HELLS: variants seen among roughly 807,000 people sequenced by gnomAD.
HELLS encodes helicase, lymphoid specific, also known as lymphoid-specific helicase.
A neutral mutation model predicts 120.0 loss-of-function variants in HELLS; 32 were observed. The observed-to-expected ratio is 0.27, with a 90% CI of 0.20 to 0.36. The LOEUF (loss-of-function observed/expected upper bound fraction) is 0.36. Among genes scored for constraint, HELLS ranks in the 10% least tolerant of loss-of-function variants. HELLS has a pLI of 1.00. For missense variants in HELLS, 650 were observed against 993.4 expected, an observed-to-expected ratio of 0.65 and a Z score of 4.65; for synonymous variants, 341 against 323.4, an observed-to-expected ratio of 1.05 and a Z score of -0.58.
chr10:94,561,417 G>C (rs1050140156), intron 4 of HELLS, among the ~76,000 whole-genome samples: 2 of 152,052 alleles, frequency 1.3e-5, no homozygotes, highest in African/African-American at 4.8e-5. Flanking sequence ...TTATACCAGG[G>C]TTTTGATTTT....
Position 94,602,067 on chromosome 10 carries a change from T to C in HELLS, c.*445T>C, listed in dbSNP as rs1332377327. ...GATTTTAGAGTCTATTTCTATGAGATAGTTTACCAAATAAATGTTCCTTAT... is the reference window on the plus strand; with the variant it reads ...GATTTTAGAGTCTATTTCTATGAGACAGTTTACCAAATAAATGTTCCTTAT... On this transcript the variant is annotated 3_prime_UTR_variant, in exon 22 of 22. Transcript: ENST00000348459. 2 of 152,692 alleles carry C rather than the reference T, an allele frequency of 1.3e-5. No individual in the cohort carries two copies. The highest frequency in any genetic ancestry group is 2.9e-5 in the Non-Finnish European group (2 of 68,108). The allele number at this position is 152,692 out of a possible 1,614,324, so 9.5% of individuals were successfully genotyped here. A position where few individuals can be genotyped will look rare whatever the true frequency, so the allele number is the denominator to read the frequency against.
At chr10:94,593,373 T>C in intron 17 of HELLS, 126 bp from the exon 18 acceptor site, 1 of 612,368 alleles carries the variant, frequency 1.6e-6, no homozygotes, top group South Asian at 2.0e-5. Context: ...GTTTTATAGA[T>C]CTGAATGATT....
In HELLS at chr10:94,545,860, T is replaced by A. The variant is rs1842720239; in HGVS notation, c.-62T>A. ...CTGGGCCGGCAGCGGTTGTGAGGAG[T>A]TAGCTCGCGGCATTGCAGGCTCTGA... is the stretch of plus-strand genomic sequence containing the variant. On this transcript the variant is annotated 5_prime_UTR_variant, in exon 1 of 22. Transcript: ENST00000348459. 2 of 1,532,266 alleles carry A rather than the reference T, an allele frequency of 1.3e-6. No homozygotes were observed. Among genetic ancestry groups the A allele is most frequent in the Non-Finnish European group, 1.8e-6 (2 of 1,129,446 alleles). The allele number at this position is 1,532,266 out of a possible 1,614,324, so 94.9% of individuals were successfully genotyped here.
At chr10:94,604,253 T>C (rs113750814), downstream of HELLS, among the ~76,000 whole-genome samples, 56 of 151,408 alleles carry the variant, frequency 3.7e-4, no homozygotes, top group African/African-American at 1.3e-3. Flanking sequence ...GCCTCCCGAG[T>C]AGCTGGGACT....
At chr10:94,554,669 T>TA (rs34392040) in intron 3 of HELLS, among the ~76,000 whole-genome samples, 3 of 149,390 alleles carry the variant, frequency 2.0e-5, no homozygotes, top group South Asian at 2.2e-4. Flanking sequence ...TTTTTTTTTT[T>TA]AATGCTAATG....
chr10:94,612,909 G>C (rs913117951), exon 10 of HELLS: 9 of 152,152 alleles, frequency 5.9e-5, no homozygotes, highest in African/African-American at 2.2e-4. Flanking sequence ...GGGTGACAGT[G>C]AGACTGTCTC....
At chr10:94,594,640 T>C in intron 18 of HELLS, 55 bp from the exon 19 acceptor site, 1 of 1,344,766 alleles carries the variant, frequency 7.4e-7, no homozygotes, top group Non-Finnish European at 1.0e-6. Flanking sequence ...CCACATGAGT[T>C]TATGTTAATT....
At chr10:94,608,952 T>A (rs1301116745) in intron 9 of HELLS, among the ~76,000 whole-genome samples, 1 of 150,680 alleles carries the variant, frequency 6.6e-6, no homozygotes, top group Non-Finnish European at 1.5e-5. Flanking sequence ...TTTCTTTCAG[T>A]ACAATATAAA....
chr10:94,572,625 A>G (rs1169104735), intron 7 of HELLS, among the ~76,000 whole-genome samples: 2 of 152,146 alleles, frequency 1.3e-5, no homozygotes, highest in African/African-American at 2.4e-5. Flanking sequence ...TTTATGAGTA[A>G]GGTTGCTATG....
chr10:94,592,139 T>C, intron 15 of HELLS, 90 bp from the exon 16 acceptor site: 1 of 945,864 alleles, frequency 1.1e-6, no homozygotes, highest in Non-Finnish European at 1.6e-6. Context: ...GTGACTTGGC[T>C]TTGAAAATTG....
chr10:94,562,968 A>T (rs1407015483), intron 6 of HELLS, 92 bp downstream of exon 6: 1 of 734,242 alleles, frequency 1.4e-6, no homozygotes. Flanking sequence ...TGAATATTCA[A>T]TATCACATGA....
At chr10:94,578,052 CAG>C (rs1024025022) in intron 10 of HELLS, among the ~76,000 whole-genome samples, 3 of 119,984 alleles carry the variant, frequency 2.5e-5, no homozygotes, top group African/African-American at 9.6e-5. Flanking sequence ...CCTGGGCCGA[CAG>C]AGCGAGACTC....
rs370633028 is a variant in HELLS at position 94,592,265 on chromosome 10, T to C, written c.1804T>C (p.Leu602=). The C allele has an allele frequency of 6.2e-7, 1 of 1,612,586 alleles. No homozygotes were observed. Among genetic ancestry groups the C allele is most frequent in the African/African-American group, 1.3e-5 (1 of 74,908 alleles). Residue 602 remains leucine (L), a synonymous_variant, in exon 16 of 22, where the codon TTG becomes CTG. Transcript: ENST00000348459. The part of the protein sequence containing the change: ...EELVTNSGKF[L]ILDRMLPELK... ...ATTGGTAACAAATTCTGGGAAGTTCTTGATTTTGGATCGAATGCTGCCAGA... is the reference window on the plus strand; with the variant it reads ...ATTGGTAACAAATTCTGGGAAGTTCCTGATTTTGGATCGAATGCTGCCAGA...
chr10:94,548,240 GATTATATACATATACTAA>G (rs1842832869), intron 2 of HELLS, among the ~76,000 whole-genome samples: 1 of 152,058 alleles, frequency 6.6e-6, no homozygotes, highest in African/African-American at 2.4e-5. Context: ...TAATATACAA[GATTATATACATATACTAA>G]ATATACTTAT....
intron 5 of HELLS, 27 bp downstream of exon 5, chr10:94,562,754 GA>G: frequency 6.4e-7 from 1 of 1,567,024 alleles, no homozygotes. Flanking sequence ...TAGTTTTGAA[GA>G]ATATGCGTTT....
chr10:94,568,759 A>G (rs1843969021), intron 6 of HELLS, among the ~76,000 whole-genome samples: 1 of 152,182 alleles, frequency 6.6e-6, no homozygotes, highest in African/African-American at 2.4e-5. Context: ...ATTTTGGTAT[A>G]TGTATGTTCT....
At position 94,562,634 on chromosome 10, in the gene HELLS, C is replaced by A. The variant is rs1195380621; in HGVS notation, c.334-57C>A. ...TCTCAAGTTAATCAGTGCCTTTTAA[C>A]GTATAATACTATGAAGGTCCTTAAT... On this transcript the variant is annotated intron_variant, in intron 4 of 21. Transcript: ENST00000348459. The A allele has an allele frequency of 5.0e-6, 6 of 1,191,150 alleles. No individual in the cohort carries two copies. In the South Asian group the frequency reaches 5.5e-5, roughly 11 times the overall value. 73.8% of individuals were successfully genotyped at this position (1,191,150 alleles called of 1,614,324 possible). A position where few individuals can be genotyped will look rare whatever the true frequency, so the allele number is the denominator to read the frequency against.
At chr10:94,556,768 G>T (rs552647477) in intron 3 of HELLS, among the ~76,000 whole-genome samples, 3 of 152,234 alleles carry the variant, frequency 2.0e-5, no homozygotes, top group South Asian at 4.1e-4. Flanking sequence ...ACTGGGTAAA[G>T]AATTTTTTTT....
intron 4 of HELLS, among the ~76,000 whole-genome samples, chr10:94,560,457 G>C (rs1161458284): frequency 1.3e-5 from 2 of 152,122 alleles, no homozygotes; most frequent in African/African-American, 4.8e-5. Context: ...CACTTTGGGA[G>C]GCTGAGGCAG....
Sources: gnomAD v4.1 joint callset for allele counts (sites outside exome capture counted in the v4.1 genomes callset) on GRCh38, gnomAD v4.1.1 for gene constraint, MANE v1.5 for transcripts, NCBI Gene and HGNC (gene_info 2026-07-23, HGNC 2026-07-21) for gene names.